PIEZO2: variants seen among roughly 807,000 people sequenced by gnomAD.
PIEZO2 encodes piezo type mechanosensitive ion channel component 2.
A neutral mutation model predicts 337.3 loss-of-function variants in PIEZO2; 172 were observed. The ratio of observed to expected loss-of-function variants is 0.51; its 90% CI spans 0.45 to 0.58. The LOEUF is 0.58. Among genes scored for constraint, PIEZO2 ranks in the 20% least tolerant of loss-of-function variants. The pLI is 0.00. For missense variants in PIEZO2, 3,028 were observed against 3,391.3 expected (o/e 0.89, Z 2.66); for synonymous variants, 1,251 against 1,228.5 (o/e 1.02, Z -0.38).
At chr18:10,919,786 T>C (rs779754435) in intron 3 of PIEZO2, among the ~76,000 whole-genome samples, 4 of 152,274 alleles carry the variant, frequency 2.6e-5, no homozygotes, top group South Asian at 4.1e-4. Context: ...TTGGTTCTGA[T>C]TGGCAGTCTA....
intron 2 of PIEZO2, among the ~76,000 whole-genome samples, chr18:11,055,532 G>A (rs80029265): frequency 0.031 from 4,702 of 152,306 alleles, 179 homozygotes; most frequent in Admixed American, 0.085. Context: ...ATCTGGGGAA[G>A]AGAATTCCAG....
rs1453962759 is a variant in PIEZO2, at chr18:10,707,728, G to C, written c.5588+547C>G. On this transcript the variant is annotated intron_variant, in intron 40 of 55. Transcript: ENST00000674853. This position sits in a 1 kb window ranked among gnomAD's most constrained non-coding sequence, Gnocchi z 4.2. ...ATAGGCTACAAAGATGATGCATTCTGCTGCATAATATTCTTTTTAAAAACC... is the reference window on the plus strand; with the variant it reads ...ATAGGCTACAAAGATGATGCATTCTCCTGCATAATATTCTTTTTAAAAACC... Among the ~76,000 whole-genome samples, 3 of 152,174 alleles carry C rather than the reference G, an allele frequency of 2.0e-5. No homozygotes were observed. Among genetic ancestry groups the C allele is most frequent in the African/African-American group, 7.2e-5 (3 of 41,436 alleles).
Position 11,125,488 on chromosome 18 carries a change from G to A in PIEZO2, c.64+23037C>T, listed in dbSNP as rs1337172561. ...CCTCTGTTTAGCTGACAAAACACGT[G>A]TTTAGTGCTAAGAGTCCAGCACACT... On this transcript the variant is annotated intron_variant, in intron 1 of 55. Transcript: ENST00000674853. This position sits in a 1 kb window ranked among gnomAD's most constrained non-coding sequence, Gnocchi z 4.4. Among the ~76,000 whole-genome samples, 1 of 152,182 alleles carries A rather than the reference G, an allele frequency of 6.6e-6. No individual in the cohort carries two copies. Among genetic ancestry groups the A allele is most frequent in the Non-Finnish European group, 1.5e-5 (1 of 68,036 alleles).
chr18:11,019,615 T>C (rs540929427), intron 2 of PIEZO2, among the ~76,000 whole-genome samples: 3 of 152,324 alleles, frequency 2.0e-5, no homozygotes, highest in Admixed American at 2.0e-4. Context: ...ACCTATTGAA[T>C]GGCCCCACTC....
chr18:10,905,232 T>C (rs1024305485), intron 4 of PIEZO2, among the ~76,000 whole-genome samples: 3 of 152,166 alleles, frequency 2.0e-5, no homozygotes, highest in South Asian at 4.1e-4. Flanking sequence ...GGGTTAATCA[T>C]TGAATTAAGA....
chr18:11,022,720 G>A lies in PIEZO2; in HGVS notation c.161-43060C>T, dbSNP rs151167720. 3.0e-3 allele frequency among the ~76,000 whole-genome samples: 461 copies of A among 152,286 alleles called. 4 individuals are homozygous for A. Among genetic ancestry groups the A allele is most frequent in the African/African-American group, 0.01 (428 of 41,564 alleles). On this transcript the variant is annotated intron_variant, in intron 2 of 55. Coordinates refer to ENST00000674853, the MANE Select transcript of PIEZO2 (RefSeq NM_001378183.1). ...ATTTAAGGGGGACAGAATTCAGTTC[G>A]TAAAAACTATAAAATACTATGACCT...
At position 10,738,219 on chromosome 18, in the gene PIEZO2, G is replaced by A. The variant is rs561173175; in HGVS notation, c.4709-1509C>T. On this transcript the variant is annotated intron_variant, in intron 33 of 55. Coordinates refer to ENST00000674853, the MANE Select transcript of PIEZO2 (RefSeq NM_001378183.1). ...TTAAAGTAATGCCTTCACATAAGCCGAGAGATTTGCAGGAAAGTGATGTGG... is the reference window on the plus strand; with the variant it reads ...TTAAAGTAATGCCTTCACATAAGCCAAGAGATTTGCAGGAAAGTGATGTGG... 1.2e-4 allele frequency: 19 copies of A among 152,294 alleles called. 1 individual carries two copies. In the South Asian group the frequency reaches 1.9e-3, roughly 15 times the overall value. 9.4% of individuals were successfully genotyped at this position (152,294 alleles called of 1,614,324 possible).
chr18:10,704,423 A>G lies in PIEZO2; in HGVS notation c.6229T>C (p.Phe2077Leu). The G allele has an allele frequency of 2.6e-6, 4 of 1,537,128 alleles. No individual in the cohort carries two copies. The highest frequency in any genetic ancestry group is 3.5e-6 in the Non-Finnish European group (4 of 1,146,892). The change falls in exon 42 of 56, where the codon TTC becomes CTC. Residue 2077 changes from phenylalanine (F) to leucine (L), a missense_variant. Transcript: ENST00000674853. Reference sequence around the variant, plus strand: ...GTATAGACGATGGCCATCATCCAGAACCGGCGGCTGGGCCTGGGGACGGAC... The same window carrying G: ...GTATAGACGATGGCCATCATCCAGAGCCGGCGGCTGGGCCTGGGGACGGAC... ...MLSVPRPSRR[F>L]WMMAIVYTEV...
Position 10,830,119 on chromosome 18 carries a change from T to C in PIEZO2, c.918-22845A>G, listed in dbSNP as rs1381827714. The stretch of plus-strand genomic sequence containing the variant: ...AGACACACAGACCAATGGAACAGAA[T>C]AGGGAAGCCAGTAATTCATACATCT... On this transcript the variant is annotated intron_variant, in intron 7 of 55. Coordinates refer to ENST00000674853, the MANE Select transcript of PIEZO2 (RefSeq NM_001378183.1). The surrounding 1 kb of genome is among the most constrained non-coding windows in gnomAD (Gnocchi z 4.7). 6.6e-6 allele frequency among the ~76,000 whole-genome samples: 1 copy of C among 152,044 alleles called. No individual in the cohort carries two copies. Among genetic ancestry groups the C allele is most frequent in the Non-Finnish European group, 1.5e-5 (1 of 67,996 alleles).
chr18:11,004,994 A>T (rs2035669051), intron 2 of PIEZO2, among the ~76,000 whole-genome samples: 1 of 152,240 alleles, frequency 6.6e-6, no homozygotes, highest in Non-Finnish European at 1.5e-5. Flanking sequence ...ATCATAATAA[A>T]TGCAAATCAC....
chr18:10,697,606 A>T, intron 45 of PIEZO2, 142 bp downstream of exon 45: 1 of 1,084,956 alleles, frequency 9.2e-7, no homozygotes, highest in East Asian at 2.5e-5. Flanking sequence ...CAAGACAAAA[A>T]GGGGTAATTT....
intron 47 of PIEZO2, 94 bp downstream of exon 47, chr18:10,695,980 C>T: frequency 8.0e-7 from 1 of 1,245,028 alleles, no homozygotes; most frequent in Non-Finnish European, 1.2e-6. Flanking sequence ...CTGCCTGTGG[C>T]CAGCAGTTCT....
intron 5 of PIEZO2, among the ~76,000 whole-genome samples, chr18:10,865,851 A>G (rs964339579): frequency 3.3e-5 from 5 of 152,066 alleles, no homozygotes; most frequent in African/African-American, 1.2e-4. Flanking sequence ...CTCAGGCTCT[A>G]CTCTACCCCC....
At chr18:10,720,409 GTATGTGTATGTATATATATATA>G (rs200779299) in intron 36 of PIEZO2, among the ~76,000 whole-genome samples, 805 of 17,896 alleles carry the variant, frequency 0.045, 69 homozygotes, top group South Asian at 0.078. Context: ...GTGTGTATGT[GTATGTGTATGTATATATATATA>G]TATATATATA....
chr18:10,794,636 C>T lies in PIEZO2; in HGVS notation c.1758+136G>A. Reference sequence around the variant, plus strand: ...TCTAAGCACCGCAAACTGTTTCTTACAGTCTCATGTTTGTTCATTTTTACA... The same window carrying T: ...TCTAAGCACCGCAAACTGTTTCTTATAGTCTCATGTTTGTTCATTTTTACA... On this transcript the variant is annotated intron_variant, in intron 13 of 55. Coordinates refer to ENST00000674853, the MANE Select transcript of PIEZO2 (RefSeq NM_001378183.1). This position sits in a 1 kb window ranked among gnomAD's most constrained non-coding sequence, Gnocchi z 6.6. 1 of 709,034 alleles carries T rather than the reference C, an allele frequency of 1.4e-6. No individual in the cohort carries two copies. Among genetic ancestry groups the T allele is most frequent in the Non-Finnish European group, 2.3e-6 (1 of 440,824 alleles). The allele number at this position is 709,034 out of a possible 1,614,324, so 43.9% of individuals were successfully genotyped here. A position where few individuals can be genotyped will look rare whatever the true frequency, so the allele number is the denominator to read the frequency against.
intron 51 of PIEZO2, among the ~76,000 whole-genome samples, chr18:10,681,299 G>T (rs531364157): frequency 6.6e-6 from 1 of 152,204 alleles, no homozygotes; most frequent in African/African-American, 2.4e-5. Context: ...CTAATGCAGA[G>T]AATGCACTCA....
intron 36 of PIEZO2, chr18:10,725,083 T>A: frequency 6.6e-7 from 1 of 1,514,334 alleles, no homozygotes; most frequent in Non-Finnish European, 9.2e-7. Flanking sequence ...AGACAAGTTC[T>A]TTCAGTCGCA....
intron 49 of PIEZO2, among the ~76,000 whole-genome samples, chr18:10,689,429 A>G (rs1328087581): frequency 6.6e-6 from 1 of 151,992 alleles, no homozygotes; most frequent in Non-Finnish European, 1.5e-5. Flanking sequence ...AAATAACTAC[A>G]ATATGAAGTT....
intron 4 of PIEZO2, among the ~76,000 whole-genome samples, chr18:10,902,485 A>G (rs2043074880): frequency 6.6e-6 from 1 of 152,210 alleles, no homozygotes. Context: ...GAATTCCCTG[A>G]CACTGAATGT....
Sources: gnomAD v4.1 joint callset for allele counts (sites outside exome capture counted in the v4.1 genomes callset) on GRCh38, gnomAD v4.1.1 for gene constraint, Gnocchi (gnomAD v3.1) non-coding constraint, MANE v1.5 for transcripts, NCBI Gene and HGNC (gene_info 2026-07-23, HGNC 2026-07-21) for gene names.